TAFA5: variants seen among roughly 807,000 people sequenced by gnomAD.
TAFA5 encodes the protein chemokine-like protein TAFA-5.
In TAFA5, 6 loss-of-function variants were observed where a neutral mutation model predicts 15.3. The ratio of observed to expected loss-of-function variants is 0.39; its 90% CI spans 0.21 to 0.77. The LOEUF (loss-of-function observed/expected upper bound fraction) is 0.77, where lower values mean the gene tolerates loss of function less well. Among genes scored for constraint, TAFA5 ranks in the 30% least tolerant of loss-of-function variants. The pLI is 0.41. For missense variants in TAFA5, 161 were observed against 193.1 expected, an observed-to-expected ratio of 0.83 and a Z score of 0.98; for synonymous variants, 103 against 80.7, an observed-to-expected ratio of 1.28 and a Z score of -1.48.
At chr22:48,691,272 T>C (rs67520791) in intron 2 of TAFA5, among the ~76,000 whole-genome samples, 54,603 of 152,054 alleles carry the variant, frequency 0.36, 9,998 homozygotes, top group African/African-American at 0.4. Flanking sequence ...CCTCCTCTCG[T>C]GGCTGTAAGG....
At chr22:48,527,701 G>A (rs1921827255) in intron 1 of TAFA5, among the ~76,000 whole-genome samples, 2 of 152,234 alleles carry the variant, frequency 1.3e-5, no homozygotes, top group Non-Finnish European at 2.9e-5. Context: ...AGTGGCAGGA[G>A]GATCCGGGGC....
chr22:48,634,420 C>T (rs1241961044), intron 1 of TAFA5, among the ~76,000 whole-genome samples: 2 of 151,986 alleles, frequency 1.3e-5, no homozygotes, highest in African/African-American at 2.4e-5. Context: ...CACTCCTTTA[C>T]TCATTCACTC....
intron 1 of TAFA5, among the ~76,000 whole-genome samples, chr22:48,562,812 C>A (rs369669521): frequency 3.3e-5 from 5 of 152,324 alleles, no homozygotes; most frequent in Admixed American, 1.3e-4. Context: ...ACTCCACCCC[C>A]ACAGTGAGAG....
intron 2 of TAFA5, among the ~76,000 whole-genome samples, chr22:48,691,308 G>A (rs578129296): frequency 3.5e-4 from 53 of 152,354 alleles, no homozygotes; most frequent in African/African-American, 1.2e-3. Context: ...GGGCGGGGCC[G>A]TCTTTCCAAA....
intron 1 of TAFA5, among the ~76,000 whole-genome samples, chr22:48,583,494 C>T (rs1444815145): frequency 6.8e-6 from 1 of 146,138 alleles, no homozygotes; most frequent in Non-Finnish European, 1.5e-5. Flanking sequence ...ATACACCACA[C>T]ACCACACAGT....
At chr22:48,546,511 A>G (rs1204393436) in intron 1 of TAFA5, 1 of 470,966 alleles carries the variant, frequency 2.1e-6, no homozygotes, top group Non-Finnish European at 4.4e-6. Context: ...TGTTTTTCTC[A>G]CCTGGCTGGG....
At chr22:48,693,483 G>C in intron 2 of TAFA5, 1 of 1,567,900 alleles carries the variant, frequency 6.4e-7, no homozygotes. Flanking sequence ...GGGTAGATGA[G>C]GAAGCATAGC....
intron 3 of TAFA5, among the ~76,000 whole-genome samples, chr22:48,715,716 C>T (rs1381695613): frequency 6.6e-6 from 1 of 152,172 alleles, no homozygotes; most frequent in Non-Finnish European, 1.5e-5. Context: ...GGCCTGCTGG[C>T]CCGACCCAGG....
intron 1 of TAFA5, among the ~76,000 whole-genome samples, chr22:48,629,096 G>A (rs995780007): frequency 6.6e-6 from 1 of 152,190 alleles, no homozygotes; most frequent in Non-Finnish European, 1.5e-5. Context: ...CTGAAGGAAG[G>A]GACCCACCAG....
chr22:48,513,063 C>G (rs905085154), intron 1 of TAFA5, among the ~76,000 whole-genome samples: 2 of 152,098 alleles, frequency 1.3e-5, no homozygotes, highest in Non-Finnish European at 2.9e-5. Context: ...TGTGATCACT[C>G]TGACACAGCC....
chr22:48,695,637 A>G (rs1290433993), intron 2 of TAFA5, among the ~76,000 whole-genome samples: 1 of 152,330 alleles, frequency 6.6e-6, no homozygotes, highest in East Asian at 1.9e-4. Flanking sequence ...ACCAAGGAAC[A>G]GTCCTATGGA....
chr22:48,615,821 AC>A lies in TAFA5; in HGVS notation c.113-30771del, dbSNP rs761458321. The stretch of plus-strand genomic sequence containing the variant: ...GAGGTACAGCTCCTGTCCGCAGAGA[AC>A]CCCCTCCCAGCCAGCCCTCTCTGCA... On this transcript the variant is annotated intron_variant, in intron 1 of 3. Transcript: ENST00000402357. Among the ~76,000 whole-genome samples the A allele has an allele frequency of 5.9e-5, 9 of 151,272 alleles. No individual in the cohort carries two copies. The East Asian group carries it at 7.8e-4, about 13-fold the overall frequency.
At position 48,552,766 on chromosome 22, in the gene TAFA5, C is replaced by G. The variant is rs1183863339; in HGVS notation, c.112+63062C>G. The stretch of plus-strand genomic sequence containing the variant: ...AAACATTTATCATCCTCCGAGGGGC[C>G]CGGCCAGGCTCCCAGGGAAGAGGAG... On this transcript the variant is annotated intron_variant, in intron 1 of 3. Coordinates refer to ENST00000402357, the MANE Select transcript of TAFA5 (RefSeq NM_001082967.3). This position sits in a 1 kb window ranked among gnomAD's most constrained non-coding sequence, Gnocchi z 4.1. Among the ~76,000 whole-genome samples the G allele has an allele frequency of 6.6e-6, 1 of 152,140 alleles. No homozygotes were observed. The highest frequency in any genetic ancestry group is 1.5e-5 in the Non-Finnish European group (1 of 68,030).
chr22:48,553,528 G>C (rs548758311), intron 1 of TAFA5, among the ~76,000 whole-genome samples: 16 of 152,326 alleles, frequency 1.1e-4, no homozygotes, highest in Non-Finnish European at 1.9e-4. Flanking sequence ...GATGGTGGGA[G>C]AGGGTGAGGA....
chr22:48,610,539 AGGGGC>A (rs1369137564), intron 1 of TAFA5, among the ~76,000 whole-genome samples: 47 of 151,252 alleles, frequency 3.1e-4, no homozygotes, highest in Non-Finnish European at 6.1e-4. Context: ...GGAGGAGCAG[AGGGGC>A]AGGCTCGCAG....
rs141226800 is a variant in TAFA5, at chr22:48,599,946, C to G, written c.113-46651C>G. On this transcript the variant is annotated intron_variant, in intron 1 of 3. Coordinates refer to ENST00000402357, the MANE Select transcript of TAFA5 (RefSeq NM_001082967.3). The stretch of plus-strand genomic sequence containing the variant: ...CTGGGGGCCGCTGGTCCAGCAGGAG[C>G]CTTCCTGCCTCGATTCCCTCTTGGC... Among the ~76,000 whole-genome samples the G allele has an allele frequency of 6.9e-3, 1,058 of 152,278 alleles. 16 individuals are homozygous for G. Among genetic ancestry groups the G allele is most frequent in the African/African-American group, 0.024 (1,004 of 41,562 alleles).
intron 1 of TAFA5, among the ~76,000 whole-genome samples, chr22:48,603,126 G>T (rs1925035362): frequency 6.6e-6 from 1 of 152,250 alleles, no homozygotes; most frequent in African/African-American, 2.4e-5. Flanking sequence ...CCACGTCCAG[G>T]ACCTGCTGGC....
At chr22:48,622,016 C>G (rs969832695) in intron 1 of TAFA5, among the ~76,000 whole-genome samples, 6 of 152,066 alleles carry the variant, frequency 3.9e-5, no homozygotes, top group Admixed American at 3.9e-4. Flanking sequence ...AAGCCAGGGC[C>G]CAGGTATTTC....
chr22:48,655,351 T>TA (rs1329167982), intron 2 of TAFA5, among the ~76,000 whole-genome samples: 1 of 152,216 alleles, frequency 6.6e-6, no homozygotes, highest in Admixed American at 6.5e-5. Context: ...GTCCACTTTG[T>TA]GATGTTGAGA....
Sources: allele counts gnomAD v4.1 joint callset (sites outside exome capture counted in the v4.1 genomes callset), GRCh38; gene constraint gnomAD v4.1.1; non-coding constraint Gnocchi (gnomAD v3.1); transcripts MANE v1.5; gene names NCBI Gene and HGNC (gene_info 2026-07-23, HGNC 2026-07-21).